Variants in DOCK3 observed in about 807,000 individuals in gnomAD.
DOCK3 encodes the protein dedicator of cytokinesis 3, also known as dedicator of cytokinesis protein 3.
Under a neutral mutation model 265.6 loss-of-function variants are expected in DOCK3, and 60 were observed. That is an observed-to-expected ratio of 0.23 (90% confidence interval 0.18 to 0.28). The LOEUF is 0.28. DOCK3 is among the 10% of genes least tolerant of loss of function. The probability of loss-of-function intolerance (pLI) is 1.00; values close to 1 mark genes in which losing one functional copy is unlikely to be tolerated. For missense variants in DOCK3, 1,981 were observed against 2,594.3 expected (o/e 0.76, Z 5.14); for synonymous variants, 881 against 938.0 (o/e 0.94, Z 1.11).
In DOCK3 at chr3:51,345,476, G is replaced by T. The variant is rs537060597; in HGVS notation, c.3916-3376G>T. 2.0e-5 allele frequency among the ~76,000 whole-genome samples: 3 copies of T among 152,272 alleles called. No homozygotes were observed. In the South Asian group the frequency reaches 6.2e-4, roughly 32 times the overall value. ...ATATTTTAAAAACTAGCCAGGCATG[G>T]TGGCACACACCTAGCCCCACCTGTA... On this transcript the variant is annotated intron_variant, in intron 38 of 52. Transcript: ENST00000266037.
intron 9 of DOCK3, among the ~76,000 whole-genome samples, chr3:51,137,236 T>C (rs575580377): frequency 2.6e-5 from 4 of 152,332 alleles, no homozygotes; most frequent in African/African-American, 9.6e-5. Flanking sequence ...ATTAGATATT[T>C]CCTACTCTGT....
At chr3:51,170,303 C>T (rs565810872) in intron 12 of DOCK3, among the ~76,000 whole-genome samples, 145 of 151,230 alleles carry the variant, frequency 9.6e-4, no homozygotes, top group Non-Finnish European at 1.8e-3. Flanking sequence ...TTTTTTTTTG[C>T]GGGGGAGTTT....
chr3:50,934,681 G>T (rs1488405748), intron 5 of DOCK3, among the ~76,000 whole-genome samples: 2 of 152,036 alleles, frequency 1.3e-5, no homozygotes, highest in African/African-American at 4.8e-5. Context: ...GTTGGGTGTG[G>T]TGGTGTGTGC....
At position 51,225,000 on chromosome 3, in the gene DOCK3, G is replaced by T. The variant is rs528792399; in HGVS notation, c.1253-649G>T. Among the ~76,000 whole-genome samples the T allele has an allele frequency of 5.9e-5, 9 of 151,672 alleles. No homozygotes were observed. The South Asian group carries it at 1.9e-3, about 32-fold the overall frequency. On this transcript the variant is annotated intron_variant, in intron 14 of 52. Coordinates refer to ENST00000266037, the MANE Select transcript of DOCK3 (RefSeq NM_004947.5). ...ACAGGGAAGCAAAAAAGCACAACAG[G>T]TTGTTGCCTCATTGCCTTACTACCT...
chr3:50,867,398 T>C (rs1411334685), intron 3 of DOCK3, among the ~76,000 whole-genome samples: 1 of 152,166 alleles, frequency 6.6e-6, no homozygotes, highest in Non-Finnish European at 1.5e-5. Flanking sequence ...CTTTCCAAAT[T>C]GGATTCTCTG....
At chr3:51,248,565 T>C (rs1219140636) in intron 22 of DOCK3, among the ~76,000 whole-genome samples, 1 of 152,126 alleles carries the variant, frequency 6.6e-6, no homozygotes, top group African/African-American at 2.4e-5. Context: ...CCCAGCCGCC[T>C]GCCTTGGCCT....
intron 9 of DOCK3, among the ~76,000 whole-genome samples, chr3:51,143,866 G>A (rs1318680045): frequency 1.3e-5 from 2 of 152,128 alleles, no homozygotes; most frequent in Non-Finnish European, 2.9e-5. Context: ...GTTGTGATTT[G>A]TGATATTTGC....
intron 1 of DOCK3, among the ~76,000 whole-genome samples, chr3:50,677,603 A>G (rs951564566): frequency 1.9e-4 from 29 of 152,262 alleles, no homozygotes; most frequent in African/African-American, 6.3e-4. Context: ...CAAGGAGGGA[A>G]ACCCCTTACA....
intron 9 of DOCK3, among the ~76,000 whole-genome samples, chr3:51,138,254 A>G (rs1439095686): frequency 6.6e-6 from 1 of 152,232 alleles, no homozygotes; most frequent in Non-Finnish European, 1.5e-5. Flanking sequence ...TTTGTCTTCA[A>G]ATAGTTTGAA....
intron 5 of DOCK3, among the ~76,000 whole-genome samples, chr3:50,991,657 C>T (rs1434027797): frequency 6.6e-6 from 1 of 152,068 alleles, no homozygotes; most frequent in Non-Finnish European, 1.5e-5. Flanking sequence ...TTCAACACTC[C>T]ACTGACAGTA....
intron 6 of DOCK3, among the ~76,000 whole-genome samples, chr3:51,065,021 G>C (rs2081541805): frequency 6.6e-6 from 1 of 152,104 alleles, no homozygotes; most frequent in Non-Finnish European, 1.5e-5. Flanking sequence ...AATGGAAACT[G>C]TCTACATTTG....
chr3:51,166,800 T>C (rs1260778621), intron 12 of DOCK3, among the ~76,000 whole-genome samples: 1 of 152,228 alleles, frequency 6.6e-6, no homozygotes, highest in Non-Finnish European at 1.5e-5. Context: ...GCCTGTTTTG[T>C]AATTGAGTTA....
At chr3:50,698,517 GTTTTTTTTTTTTTT>G in intron 1 of DOCK3, among the ~76,000 whole-genome samples, 1 of 19,506 alleles carries the variant, frequency 5.1e-5, no homozygotes, top group African/African-American at 1.5e-4. Context: ...TATGTTTTTG[GTTTTTTTTTTTTTT>G]TTTTTTTTTT....
At chr3:50,700,490 A>AT (rs374869744) in intron 1 of DOCK3, among the ~76,000 whole-genome samples, 10 of 151,236 alleles carry the variant, frequency 6.6e-5, no homozygotes, top group Admixed American at 3.3e-4. Flanking sequence ...CATGAGATCC[A>AT]TTTTTTTTTA....
chr3:50,978,774 CT>C (rs1476280258), intron 5 of DOCK3, among the ~76,000 whole-genome samples: 2 of 152,196 alleles, frequency 1.3e-5, no homozygotes, highest in Non-Finnish European at 2.9e-5. Flanking sequence ...TGATCTGAAA[CT>C]GCTGTGCTAG....
At chr3:51,022,391 A>G (rs2079630481) in intron 5 of DOCK3, among the ~76,000 whole-genome samples, 1 of 152,128 alleles carries the variant, frequency 6.6e-6, no homozygotes, top group African/African-American at 2.4e-5. Flanking sequence ...TGCAGATTGG[A>G]GTTCTTAGCA....
At chr3:50,933,947 A>T in intron 4 of DOCK3, 34 bp from the exon 5 acceptor site, 1 of 1,450,116 alleles carries the variant, frequency 6.9e-7, no homozygotes, top group South Asian at 1.4e-5. Context: ...TTTTTCAGAG[A>T]TAATGTGGCT....
chr3:51,168,455 G>T (rs546888512), intron 12 of DOCK3, among the ~76,000 whole-genome samples: 62 of 152,154 alleles, frequency 4.1e-4, no homozygotes, highest in Non-Finnish European at 7.5e-4. Context: ...ACAACAATCT[G>T]ATCTTCAACA....
chr3:50,719,520 T>C lies in DOCK3; in HGVS notation c.37+44220T>C. On this transcript the variant is annotated intron_variant, in intron 1 of 52. Transcript: ENST00000266037. ...CAGTCGGCAATGGTGATCTTCTCAC[T>C]GGTCTTGCCGTTTCTGGATCTAGAG... The C allele has an allele frequency of 2.9e-6, 3 of 1,031,528 alleles. No individual in the cohort carries two copies. In the East Asian group the frequency reaches 7.1e-5, roughly 25 times the overall value. The allele number at this position is 1,031,528 out of a possible 1,614,324, so 63.9% of individuals were successfully genotyped here. A position where few individuals can be genotyped will look rare whatever the true frequency, so the allele number is the denominator to read the frequency against.
Sources: gnomAD v4.1 joint callset for allele counts (sites outside exome capture counted in the v4.1 genomes callset) on GRCh38, gnomAD v4.1.1 for gene constraint, MANE v1.5 for transcripts, NCBI Gene and HGNC (gene_info 2026-07-23, HGNC 2026-07-21) for gene names.